Variants in PTPRD observed in about 807,000 individuals in gnomAD.
PTPRD encodes the protein receptor-type tyrosine-protein phosphatase delta.
In PTPRD, 34 loss-of-function variants were observed where a neutral mutation model predicts 214.5. That is an observed-to-expected ratio of 0.16 (90% CI 0.12 to 0.21). The LOEUF (loss-of-function observed/expected upper bound fraction) is 0.21. Among genes scored for constraint, PTPRD ranks in the 10% least tolerant of loss-of-function variants. The pLI is 1.00. For missense variants in PTPRD, 2,545 were observed against 2,398.7 expected, an observed-to-expected ratio of 1.06 and a Z score of -1.27; for synonymous variants, 1,128 against 845.7, an observed-to-expected ratio of 1.33 and a Z score of -5.79.
chr9:9,716,682 C>A (rs1287847482), intron 7 of PTPRD, among the ~76,000 whole-genome samples: 1 of 152,146 alleles, frequency 6.6e-6, no homozygotes, highest in African/African-American at 2.4e-5. Flanking sequence ...ATGTCCTTTG[C>A]CCACTTTTTG....
chr9:8,604,032 G>T (rs1173904420), intron 14 of PTPRD, among the ~76,000 whole-genome samples: 1 of 152,140 alleles, frequency 6.6e-6, no homozygotes, highest in African/African-American at 2.4e-5. Flanking sequence ...AAACAATTAT[G>T]CTGAGAGTGT....
At chr9:8,553,547 C>G (rs1238326885) in intron 14 of PTPRD, among the ~76,000 whole-genome samples, 1 of 151,996 alleles carries the variant, frequency 6.6e-6, no homozygotes, top group African/African-American at 2.4e-5. Context: ...CACTATCTAC[C>G]AGGAGATAGT....
At chr9:10,012,456 T>G (rs566100211) in intron 4 of PTPRD, among the ~76,000 whole-genome samples, 1 of 152,082 alleles carries the variant, frequency 6.6e-6, no homozygotes, top group African/African-American at 2.4e-5. Flanking sequence ...GTTTAAGCAA[T>G]TCCCATCTCA....
chr9:8,458,168 C>G (rs2096270589), intron 33 of PTPRD, among the ~76,000 whole-genome samples: 2 of 152,108 alleles, frequency 1.3e-5, no homozygotes, highest in African/African-American at 2.4e-5. Flanking sequence ...TAAAATGCTA[C>G]TCTATTTTAA....
chr9:9,218,410 G>A (rs2099953670), intron 9 of PTPRD, among the ~76,000 whole-genome samples: 1 of 152,128 alleles, frequency 6.6e-6, no homozygotes. Flanking sequence ...AAAATTTTAC[G>A]GAGTTTAATC....
intron 5 of PTPRD, among the ~76,000 whole-genome samples, chr9:9,785,971 T>C (rs1259293378): frequency 6.6e-6 from 1 of 152,206 alleles, no homozygotes; most frequent in Non-Finnish European, 1.5e-5. Context: ...CACTAAGTTA[T>C]TTATTACCAC....
intron 14 of PTPRD, among the ~76,000 whole-genome samples, chr9:8,545,016 C>A (rs930394132): frequency 1.3e-5 from 2 of 149,984 alleles, no homozygotes; most frequent in African/African-American, 4.9e-5. Context: ...CTGGGATATT[C>A]ACTTTCCTGG....
chr9:8,485,649 T>C, intron 28 of PTPRD, 113 bp downstream of exon 28: 1 of 964,890 alleles, frequency 1.0e-6, no homozygotes. Flanking sequence ...CTTTTTGTTT[T>C]TGCTGAACCT....
intron 10 of PTPRD, among the ~76,000 whole-genome samples, chr9:9,028,491 T>C (rs1477705535): frequency 2.0e-5 from 3 of 151,992 alleles, no homozygotes. Context: ...AAACCTAAAC[T>C]AACAATTAAA....
chr9:9,302,534 C>G (rs759030396), intron 9 of PTPRD, among the ~76,000 whole-genome samples: 4 of 151,478 alleles, frequency 2.6e-5, no homozygotes, highest in African/African-American at 9.7e-5. Flanking sequence ...CCGCCTTCCC[C>G]ACTCTCCCAC....
intron 10 of PTPRD, among the ~76,000 whole-genome samples, chr9:9,042,103 A>G (rs2099641735): frequency 6.6e-6 from 1 of 152,150 alleles, no homozygotes; most frequent in Non-Finnish European, 1.5e-5. Flanking sequence ...CTGAAATGCC[A>G]TTAGGTTCTC....
intron 18 of PTPRD, chr9:8,524,693 A>G (rs1433569317): frequency 1.6e-6 from 1 of 619,336 alleles, no homozygotes; most frequent in Non-Finnish European, 2.9e-6. Flanking sequence ...GTAAAAATGC[A>G]AATATACTTA....
At chr9:9,950,996 A>T (rs2093403718) in intron 4 of PTPRD, among the ~76,000 whole-genome samples, 1 of 152,162 alleles carries the variant, frequency 6.6e-6, no homozygotes, top group Non-Finnish European at 1.5e-5. Context: ...TGGATTACTC[A>T]CTGGTATGAA....
intron 9 of PTPRD, among the ~76,000 whole-genome samples, chr9:9,188,142 G>A (rs1410116524): frequency 1.3e-5 from 2 of 151,944 alleles, no homozygotes; most frequent in Non-Finnish European, 1.5e-5. Context: ...TGAACGTTAT[G>A]TAAATGTAAT....
chr9:9,217,749 C>G (rs1471965413), intron 9 of PTPRD, among the ~76,000 whole-genome samples: 1 of 152,114 alleles, frequency 6.6e-6, no homozygotes, highest in Non-Finnish European at 1.5e-5. Context: ...CATTTCTACT[C>G]TTTAAAACCT....
At chr9:8,387,485 C>A (rs2087555870) in intron 37 of PTPRD, among the ~76,000 whole-genome samples, 1 of 152,190 alleles carries the variant, frequency 6.6e-6, no homozygotes, top group African/African-American at 2.4e-5. Flanking sequence ...GTGTGTTTTA[C>A]TGAAAACAGC....
chr9:9,874,170 G>A (rs1240395427), intron 5 of PTPRD, among the ~76,000 whole-genome samples: 2 of 152,284 alleles, frequency 1.3e-5, no homozygotes, highest in Non-Finnish European at 2.9e-5. Flanking sequence ...TAAATGAACA[G>A]AAGCCTGTCA....
At chr9:10,405,677 C>T (rs1222787678) in intron 2 of PTPRD, among the ~76,000 whole-genome samples, 2 of 151,418 alleles carry the variant, frequency 1.3e-5, no homozygotes, top group African/African-American at 2.4e-5. Flanking sequence ...CAATAACAAG[C>T]TTATATCTGC....
intron 12 of PTPRD, among the ~76,000 whole-genome samples, chr9:8,671,219 T>C (rs771944176): frequency 2.0e-5 from 3 of 152,174 alleles, no homozygotes; most frequent in Non-Finnish European, 2.9e-5. Flanking sequence ...AGAAAAATGA[T>C]GCGATACTTC....
Sources: gnomAD v4.1 joint callset for allele counts (sites outside exome capture counted in the v4.1 genomes callset) on GRCh38, gnomAD v4.1.1 for gene constraint, MANE v1.5 for transcripts, NCBI Gene and HGNC (gene_info 2026-07-23, HGNC 2026-07-21) for gene names.